Variants in DDX1 observed in about 807,000 individuals in gnomAD.
DDX1 encodes ATP-dependent RNA helicase DDX1.
In DDX1, 28 loss-of-function variants were observed where a neutral mutation model predicts 108.7. The ratio of observed to expected loss-of-function variants is 0.26; its 90% CI spans 0.19 to 0.35. The LOEUF is 0.35. Ranked by LOEUF, DDX1 falls within the 10% of genes least tolerant of loss-of-function variation. DDX1 has a pLI of 1.00. For synonymous variants in DDX1, 295 were observed against 288.9 expected, an observed-to-expected ratio of 1.02 and a Z score of -0.21; for missense variants, 710 against 884.5, an observed-to-expected ratio of 0.80 and a Z score of 2.50.
intron 13 of DDX1, 25 bp from the exon 14 acceptor site, chr2:15,613,199 A>G (rs750606304): frequency 6.7e-6 from 10 of 1,488,262 alleles, no homozygotes; most frequent in South Asian, 3.8e-5. Context: ...TTTTTTTTAT[A>G]TTATCATCTT....
At chr2:15,624,936 C>T (rs1043303964) in intron 19 of DDX1, among the ~76,000 whole-genome samples, 2 of 152,080 alleles carry the variant, frequency 1.3e-5, no homozygotes, top group African/African-American at 4.8e-5. Context: ...GTCTTATGGC[C>T]TAGCAATTAA....
At chr2:15,608,303 C>T (rs1005619422) in intron 13 of DDX1, among the ~76,000 whole-genome samples, 3 of 152,064 alleles carry the variant, frequency 2.0e-5, no homozygotes, top group Admixed American at 6.6e-5. Context: ...CCGAGGTGGG[C>T]GGTCACCTGA....
At chr2:15,598,063 A>G (rs532894667) in intron 5 of DDX1, among the ~76,000 whole-genome samples, 33 of 152,136 alleles carry the variant, frequency 2.2e-4, no homozygotes, top group Middle Eastern at 3.4e-3. Flanking sequence ...GCTTCTGTTG[A>G]ATGTTTTCTA....
intron 6 of DDX1, 31 bp from the exon 7 acceptor site, chr2:15,602,517 G>A (rs930797626): frequency 1.6e-5 from 24 of 1,522,056 alleles, no homozygotes; most frequent in East Asian, 2.3e-5. Flanking sequence ...CTGTACTGAC[G>A]TGTTTTTCTG....
At chr2:15,595,657 C>T in intron 3 of DDX1, 104 bp downstream of exon 3, 1 of 838,248 alleles carries the variant, frequency 1.2e-6, no homozygotes, top group Non-Finnish European at 2.0e-6. Context: ...ATTTATGATA[C>T]ATATACTGTA....
At chr2:15,629,486 T>C in intron 23 of DDX1, 116 bp from the exon 24 acceptor site, 2 of 677,766 alleles carry the variant, frequency 3.0e-6, no homozygotes, top group South Asian at 4.0e-5. Flanking sequence ...ATCATACCTA[T>C]AATCTATTTT....
Position 15,628,537 on chromosome 2 carries a change from G to T in DDX1, c.1759+20G>T. ...CTTATGGTAAAAAGCAACTTTTTAT[G>T]CCTGTAGTGTGATTGTTACGGAATC... On this transcript the variant is annotated intron_variant, in intron 21 of 25. Coordinates refer to ENST00000233084, the MANE Select transcript of DDX1 (RefSeq NM_004939.3). 1.9e-6 allele frequency: 3 copies of T among 1,603,376 alleles called. No homozygotes were observed. Among genetic ancestry groups the T allele is most frequent in the Non-Finnish European group, 2.6e-6 (3 of 1,170,536 alleles).
chr2:15,594,695 G>T (rs1264639210), intron 1 of DDX1, among the ~76,000 whole-genome samples: 2 of 152,106 alleles, frequency 1.3e-5, no homozygotes, highest in Non-Finnish European at 2.9e-5. Context: ...TATTCACATG[G>T]TCCTAGAATA....
rs545904371 is a variant in DDX1 at position 15,621,506 on chromosome 2, A to T, written c.1447+390A>T. ...TTTTTAGTAGAGATGGGGTTTCACC[A>T]TGTTGGCCAGGCTGGTCTTAAACTC... On this transcript the variant is annotated intron_variant, in intron 18 of 25. Coordinates refer to ENST00000233084, the MANE Select transcript of DDX1 (RefSeq NM_004939.3). The T allele has an allele frequency of 1.4e-4, 25 of 175,452 alleles. No individual in the cohort carries two copies. In the South Asian group the frequency reaches 3.0e-3, roughly 21 times the overall value. The allele number at this position is 175,452 out of a possible 1,614,324, so 10.9% of individuals were successfully genotyped here. A position where few individuals can be genotyped will look rare whatever the true frequency, so the allele number is the denominator to read the frequency against.
intron 14 of DDX1, among the ~76,000 whole-genome samples, chr2:15,615,968 C>G (rs1340431413): frequency 6.6e-6 from 1 of 152,104 alleles, no homozygotes; most frequent in Non-Finnish European, 1.5e-5. Context: ...TCTCAGCTCA[C>G]TGCAACGTCT....
intron 6 of DDX1, among the ~76,000 whole-genome samples, chr2:15,600,913 C>T (rs1665580778): frequency 1.3e-5 from 2 of 151,798 alleles, no homozygotes; most frequent in African/African-American, 4.8e-5. Flanking sequence ...CTCTAAATTC[C>T]ACTGATAATT....
intron 10 of DDX1, 25 bp from the exon 11 acceptor site, chr2:15,605,923 ATC>A (rs72043264): frequency 3.3e-3 from 4,380 of 1,314,156 alleles, no homozygotes; most frequent in South Asian, 4.7e-3. Context: ...GATTGTTTTA[ATC>A]TCTCTCTCTC....
chr2:15,591,966 T>G lies in DDX1; in HGVS notation c.16+17T>G. 1 of 1,408,376 alleles carries G rather than the reference T, an allele frequency of 7.1e-7. No homozygotes were observed. Among genetic ancestry groups the G allele is most frequent in the Non-Finnish European group, 9.3e-7 (1 of 1,078,790 alleles). The allele number at this position is 1,408,376 out of a possible 1,614,324, so 87.2% of individuals were successfully genotyped here. Reference sequence around the variant, plus strand: ...CCTTCTCCGGTGCGTTTGTGGAAACTCTGGGGGTGGTGGGGCGGCTTGTTG... The same window carrying G: ...CCTTCTCCGGTGCGTTTGTGGAAACGCTGGGGGTGGTGGGGCGGCTTGTTG... On this transcript the variant is annotated intron_variant, in intron 1 of 25. Transcript: ENST00000233084.
At chr2:15,611,495 C>T (rs1380397668) in intron 13 of DDX1, among the ~76,000 whole-genome samples, 200 of 143,696 alleles carry the variant, frequency 1.4e-3, no homozygotes, top group African/African-American at 4.9e-3. Flanking sequence ...CCGGACGGGG[C>T]GGCTGGCCGG....
Position 15,630,832 on chromosome 2 carries a change from G to A in DDX1, c.2149G>A (p.Ala717Thr). Reference sequence around the variant, plus strand: ...GGCACCTACTGTTCAAGAGTTGGCTGCCCTTGAAAAGGAGGCGCAGACATC... The same window carrying A: ...GGCACCTACTGTTCAAGAGTTGGCTACCCTTGAAAAGGAGGCGCAGACATC... Reference protein sequence around the residue: ...ILAPTVQELAALEKEAQTSFL... With the variant: ...ILAPTVQELATLEKEAQTSFL... Residue 717 changes from alanine (A) to threonine (T), a missense_variant, in exon 26 of 26, where the codon GCC becomes ACC. Physicochemically the swap from Ala to Thr is moderately conservative, Grantham distance 58. Coordinates refer to ENST00000233084, the MANE Select transcript of DDX1 (RefSeq NM_004939.3). 1 of 1,614,052 alleles carries A rather than the reference G, an allele frequency of 6.2e-7. No individual in the cohort carries two copies. Among genetic ancestry groups the A allele is most frequent in the Non-Finnish European group, 8.5e-7 (1 of 1,179,916 alleles).
chr2:15,596,774 A>C lies in DDX1; in HGVS notation c.162+11A>C. On this transcript the variant is annotated intron_variant, in intron 4 of 25. Coordinates refer to ENST00000233084, the MANE Select transcript of DDX1 (RefSeq NM_004939.3). ...AGTGGCAAAACTGGTGTAAGTAATA[A>C]ATTATATTTACTTTCTCTCTAAAAG... is the stretch of plus-strand genomic sequence containing the variant. 6.3e-7 allele frequency: 1 copy of C among 1,599,940 alleles called. No individual in the cohort carries two copies. The highest frequency in any genetic ancestry group is 8.6e-7 in the Non-Finnish European group (1 of 1,169,336).
chr2:15,607,986 G>A (rs904716197), intron 13 of DDX1, among the ~76,000 whole-genome samples: 5 of 152,094 alleles, frequency 3.3e-5, no homozygotes, highest in African/African-American at 9.7e-5. Context: ...ACTGCATCAC[G>A]GTGGTGGCTT....
intron 13 of DDX1, among the ~76,000 whole-genome samples, chr2:15,610,132 A>G (rs145252995): frequency 1.1e-4 from 17 of 152,056 alleles, no homozygotes; most frequent in Non-Finnish European, 7.4e-5. Flanking sequence ...TGGTCTTGCT[A>G]TGTTGTGCAG....
chr2:15,608,663 G>GTTTTGTTT (rs1665706326), intron 13 of DDX1, among the ~76,000 whole-genome samples: 17 of 106,722 alleles, frequency 1.6e-4, no homozygotes, highest in East Asian at 3.0e-4. Flanking sequence ...TTTTTTTTAG[G>GTTTTGTTT]TTTTTTTTTT....
Sources: gnomAD v4.1 joint callset for allele counts (sites outside exome capture counted in the v4.1 genomes callset) on GRCh38, gnomAD v4.1.1 for gene constraint, MANE v1.5 for transcripts, NCBI Gene and HGNC (gene_info 2026-07-23, HGNC 2026-07-21) for gene names.